The following DOCK4 variants were observed in gnomAD, a reference collection of about 807,000 sequenced individuals.
The protein encoded by DOCK4 is dedicator of cytokinesis protein 4.
In DOCK4, 97 loss-of-function variants were observed where a neutral mutation model predicts 268.1. That is an observed-to-expected ratio of 0.36 (90% CI 0.31 to 0.43). The LOEUF is 0.43. DOCK4 is among the 20% of genes least tolerant of loss of function. The pLI is 1.00. For missense variants in DOCK4, 2,145 were observed against 2,455.7 expected (o/e 0.87, Z 2.67); for synonymous variants, 954 against 887.2 (o/e 1.08, Z -1.34).
intron 13 of DOCK4, among the ~76,000 whole-genome samples, chr7:111,909,093 G>C (rs1791868433): frequency 6.6e-6 from 1 of 152,158 alleles, no homozygotes; most frequent in Non-Finnish European, 1.5e-5. Flanking sequence ...TCGCCACACT[G>C]ACTTCCACAA....
intron 1 of DOCK4, among the ~76,000 whole-genome samples, chr7:112,098,590 T>C (rs1810369442): frequency 6.7e-6 from 1 of 149,682 alleles, no homozygotes; most frequent in African/African-American, 2.4e-5. Flanking sequence ...TGTAAGATTA[T>C]GTAAATTAAG....
At chr7:112,144,817 C>T (rs1044834181) in intron 1 of DOCK4, among the ~76,000 whole-genome samples, 1 of 152,144 alleles carries the variant, frequency 6.6e-6, no homozygotes, top group Non-Finnish European at 1.5e-5. Context: ...TGCACACTCT[C>T]CTTGGGATGC....
intron 1 of DOCK4, among the ~76,000 whole-genome samples, chr7:112,031,263 T>A (rs745731180): frequency 1.3e-4 from 20 of 152,316 alleles, no homozygotes; most frequent in Non-Finnish European, 2.8e-4. Flanking sequence ...AACTGAGACA[T>A]CCTTCACATA....
Position 111,915,906 on chromosome 7 carries a change from T to C in DOCK4, c.1067-2A>G. ...ATAGCTGTAAGGAAACTGCTAAACC[T>C]AAAACAGATGAGAGATACCCGAGTT... On this transcript the variant is annotated splice_acceptor_variant, in intron 12 of 52. Transcript: ENST00000428084. LOFTEE classifies it high-confidence loss of function. 6.2e-7 allele frequency: 1 copy of C among 1,609,724 alleles called. No individual in the cohort carries two copies. The highest frequency in any genetic ancestry group is 8.5e-7 in the Non-Finnish European group (1 of 1,178,112).
intron 8 of DOCK4, among the ~76,000 whole-genome samples, chr7:111,976,223 CGTGTGT>C (rs1353783071): frequency 2.1e-5 from 1 of 47,986 alleles, no homozygotes; most frequent in East Asian, 6.6e-4. Flanking sequence ...TGTGTGTGTG[CGTGTGT>C]GTGTATATAT....
intron 5 of DOCK4, among the ~76,000 whole-genome samples, chr7:111,990,177 A>C (rs2135222639): frequency 6.6e-6 from 1 of 152,290 alleles, no homozygotes; most frequent in Non-Finnish European, 1.5e-5. Flanking sequence ...AAAATATGTA[A>C]GTATTAGCTG....
chr7:112,165,576 C>T (rs1423813622), intron 1 of DOCK4, among the ~76,000 whole-genome samples: 1 of 146,410 alleles, frequency 6.8e-6, no homozygotes, highest in Non-Finnish European at 1.5e-5. Flanking sequence ...GTGTGTGTAT[C>T]CCATTTCTTT....
chr7:112,134,689 C>A (rs565882212), intron 1 of DOCK4, among the ~76,000 whole-genome samples: 2 of 152,316 alleles, frequency 1.3e-5, no homozygotes, highest in South Asian at 4.1e-4. Flanking sequence ...GCACTCCAGC[C>A]TGGGCGACAG....
At chr7:112,165,011 G>A (rs1817465688) in intron 1 of DOCK4, among the ~76,000 whole-genome samples, 1 of 152,110 alleles carries the variant, frequency 6.6e-6, no homozygotes, top group Non-Finnish European at 1.5e-5. Context: ...ATATTATGTA[G>A]AATATCAAGT....
At chr7:112,193,910 G>A (rs1391773901) in intron 1 of DOCK4, among the ~76,000 whole-genome samples, 1 of 151,978 alleles carries the variant, frequency 6.6e-6, no homozygotes, top group Non-Finnish European at 1.5e-5. Flanking sequence ...CCACCTTCTT[G>A]CTGCACCCTC....
At chr7:112,011,274 G>A (rs970617278) in intron 1 of DOCK4, among the ~76,000 whole-genome samples, 7 of 152,272 alleles carry the variant, frequency 4.6e-5, no homozygotes, top group Admixed American at 2.0e-4. Context: ...GGTGAATCCC[G>A]AGAGGACTTC....
At chr7:111,793,054 A>G (rs1458157358) in intron 30 of DOCK4, among the ~76,000 whole-genome samples, 3 of 152,218 alleles carry the variant, frequency 2.0e-5, no homozygotes, top group Non-Finnish European at 4.4e-5. Flanking sequence ...ATTTTCCTTT[A>G]GGCTAAAATA....
At chr7:112,190,708 A>C (rs1819880695) in intron 1 of DOCK4, among the ~76,000 whole-genome samples, 1 of 152,232 alleles carries the variant, frequency 6.6e-6, no homozygotes, top group Non-Finnish European at 1.5e-5. Flanking sequence ...TGTTTTTTAC[A>C]AGTGAACTAC....
At chr7:112,029,121 T>TGG (rs1803057329) in intron 1 of DOCK4, among the ~76,000 whole-genome samples, 1 of 152,224 alleles carries the variant, frequency 6.6e-6, no homozygotes. Flanking sequence ...AGCTCTGAAA[T>TGG]GTGCCTGCTC....
intron 1 of DOCK4, among the ~76,000 whole-genome samples, chr7:112,068,553 G>A (rs1024440712): frequency 6.6e-5 from 10 of 152,174 alleles, no homozygotes; most frequent in African/African-American, 2.4e-4. Flanking sequence ...CCCACATTGA[G>A]TGCTTAGCAC....
intron 1 of DOCK4, among the ~76,000 whole-genome samples, chr7:112,038,560 C>T (rs2135493698): frequency 6.6e-6 from 1 of 152,262 alleles, no homozygotes; most frequent in South Asian, 2.1e-4. Flanking sequence ...CTGGAGGTGA[C>T]AGTACTGTCA....
At chr7:111,993,547 T>C (rs1025691154) in intron 5 of DOCK4, among the ~76,000 whole-genome samples, 1 of 152,200 alleles carries the variant, frequency 6.6e-6, no homozygotes, top group Non-Finnish European at 1.5e-5. Flanking sequence ...TTATTATTTC[T>C]TTGAGTAGTA....
At chr7:111,777,361 C>T (rs1471175102) in intron 36 of DOCK4, among the ~76,000 whole-genome samples, 1 of 152,066 alleles carries the variant, frequency 6.6e-6, no homozygotes, top group African/African-American at 2.4e-5. Context: ...GATCTTCAGG[C>T]TCAACAAAAA....
At chr7:111,894,058 C>T (rs553490954) in intron 16 of DOCK4, among the ~76,000 whole-genome samples, 2 of 152,110 alleles carry the variant, frequency 1.3e-5, no homozygotes, top group South Asian at 2.1e-4. Flanking sequence ...CCCGTCTCTA[C>T]TAAAAATACA....
Sources: allele counts gnomAD v4.1 joint callset (sites outside exome capture counted in the v4.1 genomes callset), GRCh38; gene constraint gnomAD v4.1.1; transcripts MANE v1.5; gene names NCBI Gene and HGNC (gene_info 2026-07-23, HGNC 2026-07-21).